KIFAP3: variants seen among roughly 807,000 people sequenced by gnomAD.
The protein encoded by KIFAP3 is kinesin-associated protein 3.
A neutral mutation model predicts 106.5 loss-of-function variants in KIFAP3; 68 were observed. The ratio of observed to expected loss-of-function variants is 0.64; its 90% CI spans 0.53 to 0.78. The LOEUF (loss-of-function observed/expected upper bound fraction) is 0.78. Ranked by LOEUF, KIFAP3 falls within the 30% of genes least tolerant of loss-of-function variation. The probability of loss-of-function intolerance (pLI) is 0.00; values close to 1 mark genes in which losing one functional copy is unlikely to be tolerated. For synonymous variants in KIFAP3, 320 were observed against 311.5 expected, an observed-to-expected ratio of 1.03 and a Z score of -0.29; for missense variants, 780 against 941.8, an observed-to-expected ratio of 0.83 and a Z score of 2.25.
intron 11 of KIFAP3, among the ~76,000 whole-genome samples, chr1:169,987,233 T>C (rs562386537): frequency 2.6e-5 from 4 of 152,214 alleles, no homozygotes; most frequent in South Asian, 2.1e-4. Context: ...GTTTTAACTA[T>C]GTCCATTGTC....
chr1:169,960,717 A>G (rs77550443), intron 18 of KIFAP3, among the ~76,000 whole-genome samples: 6,551 of 152,226 alleles, frequency 0.043, 414 homozygotes, highest in African/African-American at 0.14. Flanking sequence ...AATGCAGAAG[A>G]AAAATGAATA....
chr1:170,065,636 A>G (rs867696411), intron 1 of KIFAP3, among the ~76,000 whole-genome samples: 1 of 151,588 alleles, frequency 6.6e-6, no homozygotes, highest in Non-Finnish European at 1.5e-5. Context: ...AAAAAAAAAA[A>G]AAAGAAATAT....
chr1:170,052,157 A>G (rs1353543591), intron 2 of KIFAP3, among the ~76,000 whole-genome samples: 1 of 152,182 alleles, frequency 6.6e-6, no homozygotes, highest in African/African-American at 2.4e-5. Flanking sequence ...AGGGGATACC[A>G]CCACTGATCC....
At chr1:170,007,171 G>C (rs761186954) in intron 10 of KIFAP3, among the ~76,000 whole-genome samples, 4 of 152,082 alleles carry the variant, frequency 2.6e-5, no homozygotes, top group African/African-American at 4.8e-5. Flanking sequence ...AACTTGACCA[G>C]AGTAGTGTGA....
At position 169,981,955 on chromosome 1, in the gene KIFAP3, A is replaced by G; in HGVS notation, c.1798+17T>C. On this transcript the variant is annotated intron_variant, in intron 15 of 19. Transcript: ENST00000361580. ...GCTGTTTAGACATTAACATAAAAATAAATTAAGGTTATTTACCATTTAGCA... is the reference window on the plus strand; with the variant it reads ...GCTGTTTAGACATTAACATAAAAATGAATTAAGGTTATTTACCATTTAGCA... 2 of 1,594,914 alleles carry G rather than the reference A, an allele frequency of 1.3e-6. No individual in the cohort carries two copies. The highest frequency in any genetic ancestry group is 1.7e-6 in the Non-Finnish European group (2 of 1,167,078).
Position 170,046,568 on chromosome 1 carries a change from T to C in KIFAP3, c.319+144A>G, listed in dbSNP as rs577379662. 1.3e-5 allele frequency: 7 copies of C among 547,484 alleles called. No homozygotes were observed. The South Asian group carries it at 2.5e-4, about 20-fold the overall frequency. The allele number at this position is 547,484 out of a possible 1,614,324, so 33.9% of individuals were successfully genotyped here. A position where few individuals can be genotyped will look rare whatever the true frequency, so the allele number is the denominator to read the frequency against. ...AGCAATTAATGTTTATTCTTTGTTG[T>C]TTACTCATTCATAACACTGGTGAAA... On this transcript the variant is annotated intron_variant, in intron 3 of 19. Transcript: ENST00000361580.
At chr1:169,955,698 A>G (rs1224851952) in intron 18 of KIFAP3, among the ~76,000 whole-genome samples, 2 of 152,148 alleles carry the variant, frequency 1.3e-5, no homozygotes, top group Non-Finnish European at 1.5e-5. Flanking sequence ...ACATATTATT[A>G]TTTAATTGTC....
intron 2 of KIFAP3, among the ~76,000 whole-genome samples, chr1:170,052,188 T>G (rs1005658343): frequency 7.9e-5 from 12 of 151,900 alleles, no homozygotes; most frequent in African/African-American, 2.7e-4. Context: ...CAAACTACCA[T>G]CAGAGAATAC....
intron 19 of KIFAP3, among the ~76,000 whole-genome samples, chr1:169,939,066 C>T (rs2101805010): frequency 6.6e-6 from 1 of 152,156 alleles, no homozygotes; most frequent in African/African-American, 2.4e-5. Flanking sequence ...CCATTGAAGG[C>T]ACGTGAGAGA....
chr1:169,972,528 T>G lies in KIFAP3; in HGVS notation c.1968A>C (p.Thr656=), dbSNP rs750943530. The G allele has an allele frequency of 1.4e-6, 2 of 1,449,136 alleles. No individual in the cohort carries two copies. The highest frequency in any genetic ancestry group is 1.9e-6 in the Non-Finnish European group (2 of 1,034,722). 89.8% of individuals were successfully genotyped at this position (1,449,136 alleles called of 1,614,324 possible). ...NNEIRKVCDN[T]LDIIAEYDEE... is the part of the protein sequence containing the mutation. ...AATTACTTACCGCTATAATATCTAA[T>G]GTATTATCACAGACCTTTCGGATTT... Residue 656 remains threonine, a synonymous_variant, in exon 17 of 20, where the codon ACA becomes ACC. Transcript: ENST00000361580.
rs543875300 is a variant in KIFAP3, at chr1:169,964,518, A to G, written c.1984-3283T>C. On this transcript the variant is annotated intron_variant, in intron 17 of 19. Transcript: ENST00000361580. ...CAGTTCTAAGATTTCGTAAGCAAGC[A>G]GTGATATGGGAGGAAGTCATTGACC... Among the ~76,000 whole-genome samples, 130 of 152,326 alleles carry G rather than the reference A, an allele frequency of 8.5e-4. 2 individuals carry two copies. Among genetic ancestry groups the G allele is most frequent in the South Asian group, 2.3e-3 (11 of 4,826 alleles).
chr1:169,983,909 GC>G (rs922333834), intron 12 of KIFAP3, among the ~76,000 whole-genome samples: 6 of 151,608 alleles, frequency 4.0e-5, no homozygotes, highest in African/African-American at 1.2e-4. Context: ...GTAAACTATG[GC>G]AAAATTCTTT....
chr1:170,054,796 T>A (rs1475359926), intron 2 of KIFAP3, among the ~76,000 whole-genome samples: 2 of 149,988 alleles, frequency 1.3e-5, no homozygotes, highest in Admixed American at 1.3e-4. Context: ...ACATCACACA[T>A]CAGGGCCTGT....
At chr1:169,994,779 AGAG>A (rs1275144265) in intron 10 of KIFAP3, among the ~76,000 whole-genome samples, 1 of 152,006 alleles carries the variant, frequency 6.6e-6, no homozygotes, top group African/African-American at 2.4e-5. Flanking sequence ...TTTACAGAAT[AGAG>A]AGTCAAATCA....
chr1:169,996,810 T>C (rs925923032), intron 10 of KIFAP3, among the ~76,000 whole-genome samples: 3 of 152,024 alleles, frequency 2.0e-5, no homozygotes, highest in Non-Finnish European at 4.4e-5. Context: ...GGTGAGAAGA[T>C]TGGCAGTGGT....
chr1:169,944,893 AC>A lies in KIFAP3; in HGVS notation c.2273+9117del, dbSNP rs1664348191. 4.6e-5 allele frequency among the ~76,000 whole-genome samples: 7 copies of A among 152,286 alleles called. No individual in the cohort carries two copies. The South Asian group carries it at 1.5e-3, about 32-fold the overall frequency. On this transcript the variant is annotated intron_variant, in intron 19 of 19. Coordinates refer to ENST00000361580, the MANE Select transcript of KIFAP3 (RefSeq NM_014970.4). ...GGCCATGGACAGGGCCAGAAAAAGT[AC>A]AAGTTCTCACTTTGGGTGGGAGACT...
rs1452870290 is a variant in KIFAP3, at chr1:170,024,477, T to C, written c.961A>G (p.Ile321Val). The change falls in exon 9 of 20, where the codon ATT becomes GTT. Residue 321 changes from isoleucine to valine, a missense_variant. Ile to Val is a conservative substitution (Grantham distance 29). Transcript: ENST00000361580. ...TTCTTCAAGAATGACACAACTAAAA[T>C]TAGCAGCTCAAAATTGTCCCGATCA... ...ALDRDNFELL[I>V]LVVSFLKKLS... 2 of 1,603,798 alleles carry C rather than the reference T, an allele frequency of 1.2e-6. No homozygotes were observed. The highest frequency in any genetic ancestry group is 1.7e-6 in the Non-Finnish European group (2 of 1,174,832).
At chr1:170,041,441 A>G (rs1669975731) in intron 3 of KIFAP3, among the ~76,000 whole-genome samples, 1 of 152,188 alleles carries the variant, frequency 6.6e-6, no homozygotes, top group South Asian at 2.1e-4. Flanking sequence ...CAGGAGTTTG[A>G]GACTAGCCTA....
In KIFAP3 at chr1:170,023,845, T is replaced by C. The variant is rs891582559; in HGVS notation, c.1020+573A>G. On this transcript the variant is annotated intron_variant, in intron 9 of 19. Transcript: ENST00000361580. ...GATGGCAAATGAAAGCCTAGTATAA[T>C]AATTCAAGCAAGAAATAAAGAAGGT... Among the ~76,000 whole-genome samples, 3 of 152,050 alleles carry C rather than the reference T, an allele frequency of 2.0e-5. No homozygotes were observed. The South Asian group carries it at 6.2e-4, about 31-fold the overall frequency.
Sources: allele counts gnomAD v4.1 joint callset (sites outside exome capture counted in the v4.1 genomes callset), GRCh38; gene constraint gnomAD v4.1.1; transcripts MANE v1.5; gene names NCBI Gene and HGNC (gene_info 2026-07-23, HGNC 2026-07-21).